The following XIRP2 variants were observed in gnomAD, a reference collection of about 807,000 sequenced individuals.
XIRP2 encodes the protein xin actin-binding repeat-containing protein 2.
Under a neutral mutation model 277.0 loss-of-function variants are expected in XIRP2, and 236 were observed. The observed-to-expected ratio is 0.85, with a 90% CI of 0.77 to 0.95. The LOEUF (loss-of-function observed/expected upper bound fraction) is 0.95. Ranked by LOEUF, XIRP2 falls within the 40% of genes least tolerant of loss-of-function variation. XIRP2 has a pLI of 0.00. For synonymous variants in XIRP2, 1,490 were observed against 1,416.5 expected (o/e 1.05, Z -1.17); for missense variants, 4,640 against 4,157.5 (o/e 1.12, Z -3.19).
chr2:167,239,407 G>A (rs1694989395), intron 5 of XIRP2, among the ~76,000 whole-genome samples: 1 of 152,188 alleles, frequency 6.6e-6, no homozygotes, highest in Admixed American at 6.5e-5. Context: ...ATGACAATGA[G>A]ATAATATTTG....
At chr2:167,137,143 C>G (rs1691580182) in intron 3 of XIRP2, among the ~76,000 whole-genome samples, 1 of 152,102 alleles carries the variant, frequency 6.6e-6, no homozygotes, top group Non-Finnish European at 1.5e-5. Context: ...ATGGTTCAGC[C>G]CATTCTGATT....
chr2:167,059,976 G>A (rs1689138313), intron 2 of XIRP2, among the ~76,000 whole-genome samples: 1 of 152,122 alleles, frequency 6.6e-6, no homozygotes, highest in African/African-American at 2.4e-5. Context: ...ATGGAGAGAA[G>A]CCCTGGAGAA....
chr2:167,220,209 T>C (rs1694381095), intron 5 of XIRP2, among the ~76,000 whole-genome samples: 1 of 152,170 alleles, frequency 6.6e-6, no homozygotes, highest in Admixed American at 6.5e-5. Context: ...CTGTCAAATA[T>C]GTATCACCTT....
chr2:166,898,635 A>T (rs987657802), intron 1 of XIRP2, among the ~76,000 whole-genome samples: 1 of 152,092 alleles, frequency 6.6e-6, no homozygotes, highest in African/African-American at 2.4e-5. Context: ...GGAAATTGAA[A>T]TCGACGCCAT....
intron 3 of XIRP2, among the ~76,000 whole-genome samples, chr2:167,174,663 A>G (rs186408537): frequency 2.8e-3 from 429 of 151,996 alleles, no homozygotes; most frequent in African/African-American, 9.3e-3. Flanking sequence ...TAGCTTTTGA[A>G]TTTGTTTGCT....
intron 3 of XIRP2, among the ~76,000 whole-genome samples, chr2:167,156,133 G>C (rs999705784): frequency 1.3e-5 from 2 of 151,764 alleles, no homozygotes; most frequent in African/African-American, 4.8e-5. Flanking sequence ...CCATGCTCAT[G>C]GGTAGGAAGA....
At chr2:166,943,050 T>A (rs185146908) in intron 2 of XIRP2, among the ~76,000 whole-genome samples, 146 of 152,228 alleles carry the variant, frequency 9.6e-4, no homozygotes, top group Admixed American at 7.8e-3. Flanking sequence ...TACAAACAAA[T>A]GCCTATCAGA....
At chr2:166,953,928 T>C (rs776937638) in intron 2 of XIRP2, among the ~76,000 whole-genome samples, 2 of 151,958 alleles carry the variant, frequency 1.3e-5, no homozygotes, top group African/African-American at 2.4e-5. Flanking sequence ...ATGCTATGTA[T>C]AAAAGTATTA....
intron 1 of XIRP2, among the ~76,000 whole-genome samples, chr2:166,893,707 A>G (rs1684168245): frequency 6.6e-6 from 1 of 152,160 alleles, no homozygotes; most frequent in Non-Finnish European, 1.5e-5. Flanking sequence ...TAGAGATCAA[A>G]AGTGTCAGTG....
intron 3 of XIRP2, among the ~76,000 whole-genome samples, chr2:167,190,043 T>C (rs1468606816): frequency 9.2e-5 from 14 of 152,186 alleles, no homozygotes; most frequent in Non-Finnish European, 2.9e-5. Flanking sequence ...ATAGAGGCTA[T>C]AATTCAGGAA....
intron 7 of XIRP2, 54 bp from the exon 8 acceptor site, chr2:167,241,723 A>C: frequency 6.5e-7 from 1 of 1,548,926 alleles, no homozygotes; most frequent in Admixed American, 2.0e-5. Context: ...ATTTCTTCTT[A>C]AACATAATTT....
chr2:167,236,892 A>G (rs1321150480), intron 5 of XIRP2, among the ~76,000 whole-genome samples: 1 of 152,042 alleles, frequency 6.6e-6, no homozygotes, highest in East Asian at 1.9e-4. Flanking sequence ...CTAACCCTAT[A>G]CTCTATAGAC....
chr2:167,112,619 A>C (rs769672170), intron 2 of XIRP2, among the ~76,000 whole-genome samples: 9 of 148,866 alleles, frequency 6.0e-5, no homozygotes, highest in Non-Finnish European at 1.0e-4. Flanking sequence ...CTCTCTCTCT[A>C]TATATTTTTA....
chr2:167,181,342 T>C (rs1316094393), intron 3 of XIRP2, among the ~76,000 whole-genome samples: 2 of 152,194 alleles, frequency 1.3e-5, no homozygotes, highest in East Asian at 1.9e-4. Context: ...GTTTGTCCTA[T>C]GCAGTATGTC....
At chr2:167,040,964 T>C (rs1271132879) in intron 2 of XIRP2, among the ~76,000 whole-genome samples, 1 of 152,184 alleles carries the variant, frequency 6.6e-6, no homozygotes, top group Non-Finnish European at 1.5e-5. Context: ...GGACAGCCCG[T>C]TGCCCTGCTG....
intron 2 of XIRP2, among the ~76,000 whole-genome samples, chr2:166,989,178 A>G (rs1687106368): frequency 8.8e-6 from 1 of 113,084 alleles, no homozygotes; most frequent in African/African-American, 4.2e-5. Context: ...ACCCCCGAGC[A>G]GCCTAACTGG....
At position 167,140,935 on chromosome 2, in the gene XIRP2, A is replaced by G. The variant is rs1166131409; in HGVS notation, c.562+4873A>G. ...AGAGTTAAGTCATGGCCCAGTAAGA[A>G]GGGGCAGCTGGGAGTTTGCTATTCT... On this transcript the variant is annotated intron_variant, in intron 3 of 10. Coordinates refer to ENST00000409195, the MANE Select transcript of XIRP2 (RefSeq NM_152381.6). 5 of 152,038 alleles carry G rather than the reference A, an allele frequency of 3.3e-5. No individual in the cohort carries two copies. The East Asian group carries it at 9.8e-4, about 30-fold the overall frequency. 9.4% of individuals were successfully genotyped at this position (152,038 alleles called of 1,614,324 possible).
At chr2:167,229,106 T>C (rs968296191) in intron 5 of XIRP2, among the ~76,000 whole-genome samples, 6 of 152,132 alleles carry the variant, frequency 3.9e-5, no homozygotes, top group African/African-American at 1.4e-4. Context: ...AATTAGGTGA[T>C]CTCAAAAAGT....
chr2:167,238,291 G>T (rs1218193614), intron 5 of XIRP2, among the ~76,000 whole-genome samples: 1 of 151,426 alleles, frequency 6.6e-6, no homozygotes, highest in Non-Finnish European at 1.5e-5. Flanking sequence ...ATTCTGCTTG[G>T]AAAAAAAATT....
Sources: gnomAD v4.1 joint callset for allele counts (sites outside exome capture counted in the v4.1 genomes callset) on GRCh38, gnomAD v4.1.1 for gene constraint, MANE v1.5 for transcripts, NCBI Gene and HGNC (gene_info 2026-07-23, HGNC 2026-07-21) for gene names.